Variants in ARHGEF9 observed in about 807,000 individuals in gnomAD.
The protein encoded by ARHGEF9 is Cdc42 guanine nucleotide exchange factor 9, also known as rho guanine nucleotide exchange factor 9.
In ARHGEF9, 2 loss-of-function variants were observed where a neutral mutation model predicts 41.3. That is an observed-to-expected ratio of 0.05 (90% CI 0.02 to 0.15). The LOEUF (loss-of-function observed/expected upper bound fraction) is 0.15. Ranked by LOEUF, ARHGEF9 falls within the 10% of genes least tolerant of loss-of-function variation. The probability of loss-of-function intolerance (pLI) is 1.00; values close to 1 mark genes in which losing one functional copy is unlikely to be tolerated. For synonymous variants in ARHGEF9, 160 were observed against 154.4 expected, an observed-to-expected ratio of 1.04 and a Z score of -0.27; for missense variants, 225 against 424.7, an observed-to-expected ratio of 0.53 and a Z score of 4.13.
intron 2 of ARHGEF9, among the ~76,000 whole-genome samples, chrX:63,710,385 C>T (rs2052855834): frequency 9.6e-6 from 1 of 104,479 alleles, no homozygotes; most frequent in Non-Finnish European, 1.9e-5. Flanking sequence ...TAACATCAAT[C>T]TTTCACAAAC....
chrX:63,776,869 A>G (rs2056301520), intron 1 of ARHGEF9, among the ~76,000 whole-genome samples: 1 of 111,443 alleles, frequency 9.0e-6, no homozygotes, highest in Admixed American at 9.5e-5. Context: ...ACTGTCATCA[A>G]TACCTCCCAA....
chrX:63,643,001 G>T (rs1253702384), intron 9 of ARHGEF9: 1 of 111,861 alleles, frequency 8.9e-6, no homozygotes, highest in Non-Finnish European at 1.9e-5. Flanking sequence ...CCTCATCTGA[G>T]AAATAGAGTT....
chrX:63,644,847 C>G (rs1351315665), intron 8 of ARHGEF9, among the ~76,000 whole-genome samples: 1 of 108,366 alleles, frequency 9.2e-6, no homozygotes, highest in South Asian at 4.1e-4. Flanking sequence ...CTCACTGCAG[C>G]CTTGATCTCT....
At chrX:63,783,371 T>C (rs782643101) in intron 1 of ARHGEF9, among the ~76,000 whole-genome samples, 1 of 107,911 alleles carries the variant, frequency 9.3e-6, no homozygotes, top group African/African-American at 3.4e-5. Flanking sequence ...CCCTCCTGGG[T>C]TCGAGTGATT....
At chrX:63,778,573 A>G (rs1185245160) in intron 1 of ARHGEF9, among the ~76,000 whole-genome samples, 1 of 112,208 alleles carries the variant, frequency 8.9e-6, no homozygotes, top group African/African-American at 3.2e-5. Context: ...AGGGTTGCAA[A>G]TTTTCCAAAC....
intron 9 of ARHGEF9, among the ~76,000 whole-genome samples, chrX:63,643,431 T>C (rs2047774414): frequency 9.3e-6 from 1 of 107,236 alleles, no homozygotes; most frequent in Non-Finnish European, 1.9e-5. Flanking sequence ...CAATCTCGGC[T>C]CACTGCAACC....
intron 4 of ARHGEF9, among the ~76,000 whole-genome samples, chrX:63,688,509 G>A (rs1358953990): frequency 2.7e-5 from 3 of 112,392 alleles, no homozygotes; most frequent in African/African-American, 6.5e-5. Context: ...TGTGTAAACC[G>A]TTCACAACTT....
At chrX:63,661,402 G>A (rs1240954819) in intron 7 of ARHGEF9, among the ~76,000 whole-genome samples, 3 of 111,880 alleles carry the variant, frequency 2.7e-5, no homozygotes, top group African/African-American at 9.8e-5. Context: ...GACAGAGGGT[G>A]CAGGAAAAGC....
chrX:63,640,524 T>C (rs1196673793), intron 9 of ARHGEF9: 1 of 112,441 alleles, frequency 8.9e-6, no homozygotes, highest in Non-Finnish European at 1.9e-5. Flanking sequence ...GGGAGCTCTA[T>C]ACTGATCTAG....
intron 6 of ARHGEF9, among the ~76,000 whole-genome samples, chrX:63,666,485 C>CACACACAT (rs1200162143): frequency 9.4e-6 from 1 of 106,063 alleles, no homozygotes; most frequent in African/African-American, 3.5e-5. Context: ...CACACACACA[C>CACACACAT]ACATATATAT....
chrX:63,659,422 G>A (rs1271615433), intron 7 of ARHGEF9, among the ~76,000 whole-genome samples: 1 of 112,035 alleles, frequency 8.9e-6, no homozygotes, highest in Non-Finnish European at 1.9e-5. Context: ...TAAAATGCCA[G>A]CCTTCCTCCT....
chrX:63,713,133 CG>C (rs782478047), intron 2 of ARHGEF9: 7 of 111,594 alleles, frequency 6.3e-5, no homozygotes, highest in Non-Finnish European at 1.1e-4. Flanking sequence ...AATGGGTAAG[CG>C]GTATTGTCTA....
intron 4 of ARHGEF9, among the ~76,000 whole-genome samples, chrX:63,684,926 A>AAAATGAAT (rs1419330137): frequency 9.1e-6 from 1 of 109,808 alleles, no homozygotes; most frequent in Non-Finnish European, 1.9e-5. Context: ...AAGGAAAAAA[A>AAAATGAAT]AAATGAATAC....
chrX:63,667,355 A>C (rs1556350078), intron 6 of ARHGEF9, among the ~76,000 whole-genome samples: 1 of 111,216 alleles, frequency 9.0e-6, no homozygotes, highest in Non-Finnish European at 1.9e-5. Context: ...CACTCCTTGT[A>C]CTATATTATA....
intron 7 of ARHGEF9, among the ~76,000 whole-genome samples, chrX:63,660,378 C>T (rs2049141910): frequency 1.8e-5 from 2 of 110,796 alleles, no homozygotes; most frequent in Admixed American, 9.6e-5. Context: ...ACAACAGACA[C>T]TGGGGTTTAC....
intron 4 of ARHGEF9, among the ~76,000 whole-genome samples, chrX:63,686,357 G>C (rs2050981560): frequency 9.0e-6 from 1 of 111,324 alleles, no homozygotes; most frequent in Non-Finnish European, 1.9e-5. Flanking sequence ...AACAGAGACG[G>C]AAGTGTGAGC....
At chrX:63,645,863 T>C (rs1204852639) in intron 8 of ARHGEF9, among the ~76,000 whole-genome samples, 2 of 112,084 alleles carry the variant, frequency 1.8e-5, no homozygotes, top group African/African-American at 3.2e-5. Flanking sequence ...AAAGTGTTCC[T>C]ATTTCTCCAC....
At chrX:63,765,837 G>A (rs782293989) in intron 1 of ARHGEF9, among the ~76,000 whole-genome samples, 7 of 112,088 alleles carry the variant, frequency 6.2e-5, no homozygotes, top group Admixed American at 3.8e-4. Flanking sequence ...TGTTAATGGA[G>A]AAGGGAAGAG....
intron 1 of ARHGEF9, among the ~76,000 whole-genome samples, chrX:63,770,929 C>T (rs1170307392): frequency 8.9e-6 from 1 of 112,468 alleles, no homozygotes; most frequent in Non-Finnish European, 1.9e-5. Flanking sequence ...TTGCAAATTG[C>T]CCAGTCTCAG....
Sources: gnomAD v4.1 joint callset for allele counts (sites outside exome capture counted in the v4.1 genomes callset) on GRCh38, gnomAD v4.1.1 for gene constraint, MANE v1.5 for transcripts, NCBI Gene and HGNC (gene_info 2026-07-23, HGNC 2026-07-21) for gene names.